The following NOP9 variants were observed in gnomAD, a reference collection of about 807,000 sequenced individuals.
NOP9 encodes nucleolar protein 9.
A neutral mutation model predicts 63.0 loss-of-function variants in NOP9; 50 were observed. That is an observed-to-expected ratio of 0.79 (90% CI 0.63 to 1.00). The LOEUF (loss-of-function observed/expected upper bound fraction) is 1.00, where lower values mean the gene tolerates loss of function less well. Ranked by LOEUF, NOP9 falls within the 50% of genes least tolerant of loss-of-function variation. The probability of loss-of-function intolerance (pLI) is 0.00; values close to 1 mark genes in which losing one functional copy is unlikely to be tolerated. For missense variants in NOP9, 758 were observed against 803.0 expected (o/e 0.94, Z 0.68); for synonymous variants, 343 against 332.8 (o/e 1.03, Z -0.33).
chr14:24,305,120 TGATGG>T lies in NOP9; in HGVS notation c.*27_*31del. On this transcript the variant is annotated 3_prime_UTR_variant, in exon 10 of 10. Coordinates refer to ENST00000267425, the MANE Select transcript of NOP9 (RefSeq NM_174913.3). ...AGGCTTTGGATCTGGGACTGGGTGT[TGATGG>T]GGGAGGGCAAAATGGGGTATCCACC... 6.9e-7 allele frequency: 1 copy of T among 1,440,170 alleles called. No individual in the cohort carries two copies. The highest frequency in any genetic ancestry group is 9.2e-7 in the Non-Finnish European group (1 of 1,086,194). The allele number at this position is 1,440,170 out of a possible 1,614,324, so 89.2% of individuals were successfully genotyped here. A position where few individuals can be genotyped will look rare whatever the true frequency, so the allele number is the denominator to read the frequency against.
At position 24,301,807 on chromosome 14, in the gene NOP9, TTCC is replaced by T. The variant is rs2041382118; in HGVS notation, c.808+88_808+90del. 6 of 1,519,808 alleles carry T rather than the reference TTCC, an allele frequency of 3.9e-6. No individual in the cohort carries two copies. In the Admixed American group the frequency reaches 1.0e-4, roughly 26 times the overall value. 94.1% of individuals were successfully genotyped at this position (1,519,808 alleles called of 1,614,324 possible). ...CAAGCAAGGCCCTTACCTCAGGTTA[TTCC>T]TCTTCTTTTCAAACCTGGTCTGGTT... On this transcript the variant is annotated intron_variant, in intron 3 of 9. Transcript: ENST00000267425.
At chr14:24,286,386 C>T in the NOP9 span, among the ~76,000 whole-genome samples, 1 of 152,184 alleles carries the variant, frequency 6.6e-6, no homozygotes, top group African/African-American at 2.4e-5. Flanking sequence ...GTCTGCCTCT[C>T]TCCTCCCTCT....
At chr14:24,289,675 C>A in the NOP9 span, among the ~76,000 whole-genome samples, 2 of 152,248 alleles carry the variant, frequency 1.3e-5, no homozygotes, top group Non-Finnish European at 2.9e-5. Context: ...TACTGATAAG[C>A]CAGCCCTCTC....
chr14:24,292,911 A>G, the NOP9 span: 2 of 1,241,180 alleles, frequency 1.6e-6, no homozygotes, highest in Admixed American at 3.3e-5. Context: ...AGGGTGGGTT[A>G]GCGACCTGAG....
the NOP9 span, among the ~76,000 whole-genome samples, chr14:24,284,071 T>C: frequency 1.3e-5 from 2 of 152,140 alleles, no homozygotes; most frequent in African/African-American, 4.8e-5. Context: ...GGGGCAAGGA[T>C]GCTCTTGGTT....
upstream of NOP9, among the ~76,000 whole-genome samples, chr14:24,295,620 T>C (rs972995258): frequency 6.6e-6 from 1 of 152,208 alleles, no homozygotes; most frequent in Non-Finnish European, 1.5e-5. Flanking sequence ...CAGCAAGAGA[T>C]GAGGGTGTGG....
chr14:24,287,047 A>G, the NOP9 span, among the ~76,000 whole-genome samples: 1 of 151,646 alleles, frequency 6.6e-6, no homozygotes, highest in African/African-American at 2.4e-5. Flanking sequence ...ACGCCACCAC[A>G]CCAGGCTAAT....
At chr14:24,291,253 AG>A in the NOP9 span, 1 of 1,606,404 alleles carries the variant, frequency 6.2e-7, no homozygotes, top group Non-Finnish European at 8.5e-7. Context: ...GATGGCAGGC[AG>A]GGGAGTATGC....
At chr14:24,301,917 T>C (rs1237535972) in intron 3 of NOP9, 48 bp from the exon 4 acceptor site, 1 of 1,584,892 alleles carries the variant, frequency 6.3e-7, no homozygotes, top group Admixed American at 1.7e-5. Flanking sequence ...GTTACGCAGG[T>C]TGTCTGGATT....
upstream of NOP9, chr14:24,296,413 G>A (rs561165213): frequency 7.6e-6 from 9 of 1,182,272 alleles, no homozygotes; most frequent in Non-Finnish European, 1.1e-5. Context: ...GATGGGGGAG[G>A]CCGGAGGGAA....
chr14:24,278,068 T>C, the NOP9 span, among the ~76,000 whole-genome samples: 1 of 152,184 alleles, frequency 6.6e-6, no homozygotes. Flanking sequence ...GGACTTCCTC[T>C]GCCCCCAGCT....
intron 8 of NOP9, 51 bp downstream of exon 8, chr14:24,304,328 A>G: frequency 1.3e-6 from 2 of 1,495,664 alleles, no homozygotes; most frequent in Non-Finnish European, 9.3e-7. Flanking sequence ...CATTTAGAGA[A>G]TATGAGCTTT....
chr14:24,277,210 C>G, the NOP9 span, among the ~76,000 whole-genome samples: 1 of 152,108 alleles, frequency 6.6e-6, no homozygotes, highest in Non-Finnish European at 1.5e-5. Context: ...CACAGAGGTC[C>G]TAGAACATGG....
rs113260348 is a variant in NOP9, at chr14:24,301,761, G to T, written c.808+39G>T. 1.5e-3 allele frequency: 2,382 copies of T among 1,600,900 alleles called. 32 individuals are homozygous for T. In the African/African-American group the frequency reaches 0.025, roughly 17 times the overall value. ...TAGGAGGATGGTCTCGTATCTACTT[G>T]TCTGGAGGTCATCTTACCACCAAGC... On this transcript the variant is annotated intron_variant, in intron 3 of 9. Coordinates refer to ENST00000267425, the MANE Select transcript of NOP9 (RefSeq NM_174913.3).
intron 2 of NOP9, among the ~76,000 whole-genome samples, chr14:24,301,166 G>A (rs1297675771): frequency 6.6e-6 from 1 of 152,008 alleles, no homozygotes; most frequent in Non-Finnish European, 1.5e-5. Flanking sequence ...TCAAGCAAAA[G>A]TTCAGGAAAC....
At chr14:24,304,631 G>T (rs370141136) in intron 9 of NOP9, 33 bp downstream of exon 9, 69 of 1,483,244 alleles carry the variant, frequency 4.7e-5, no homozygotes, top group Non-Finnish European at 5.9e-5. Context: ...GATGTTTCCA[G>T]ACTCTCCCCT....
At chr14:24,276,972 G>A in the NOP9 span, among the ~76,000 whole-genome samples, 2 of 152,170 alleles carry the variant, frequency 1.3e-5, no homozygotes, top group Non-Finnish European at 2.9e-5. Flanking sequence ...TGGGGAAGGA[G>A]GTTAGAAAAC....
chr14:24,296,517 G>T (rs34297859), upstream of NOP9: 51 of 1,614,050 alleles, frequency 3.2e-5, no homozygotes, highest in Non-Finnish European at 4.3e-5. Context: ...ACCTGAGTCC[G>T]ACGTTGTTGA....
In NOP9 at chr14:24,300,118, C is replaced by G. The variant is rs1159982274; in HGVS notation, c.164C>G (p.Pro55Arg). The G allele has an allele frequency of 1.2e-6, 2 of 1,613,636 alleles. No individual in the cohort carries two copies. Among genetic ancestry groups the G allele is most frequent in the Admixed American group, 1.7e-5 (1 of 60,030 alleles). ...GRSEPAPDSH[P>R]HLSPEALGYF... ...TCGGAGCCGGCTCCAGATTCGCACCCGCACCTGAGCCCGGAAGCTCTGGGA... is the reference window on the plus strand; with the variant it reads ...TCGGAGCCGGCTCCAGATTCGCACCGGCACCTGAGCCCGGAAGCTCTGGGA... Residue 55 changes from proline (P) to arginine (R), a missense_variant, in exon 1 of 10, where the codon CCG becomes CGG. Transcript: ENST00000267425.
Sources: gnomAD v4.1 joint callset for allele counts (sites outside exome capture counted in the v4.1 genomes callset) on GRCh38, gnomAD v4.1.1 for gene constraint, MANE v1.5 for transcripts, NCBI Gene and HGNC (gene_info 2026-07-23, HGNC 2026-07-21) for gene names.